Variants in PSME4 observed in about 807,000 individuals in gnomAD.
PSME4 encodes the protein proteasome activator subunit 4, also known as proteasome activator complex subunit 4.
PSME4 carries 89 observed loss-of-function variants against 253.9 expected under a neutral mutation model. The ratio of observed to expected loss-of-function variants is 0.35; its 90% CI spans 0.30 to 0.42. The LOEUF (loss-of-function observed/expected upper bound fraction) is 0.42, where lower values mean the gene tolerates loss of function less well. PSME4 is among the 10% of genes least tolerant of loss of function. PSME4 has a pLI of 1.00. For missense variants in PSME4, 2,014 were observed against 2,195.2 expected, an observed-to-expected ratio of 0.92 and a Z score of 1.65; for synonymous variants, 851 against 759.2, an observed-to-expected ratio of 1.12 and a Z score of -1.99.
intron 1 of PSME4, among the ~76,000 whole-genome samples, chr2:53,952,985 G>A (rs530239678): frequency 4.2e-4 from 64 of 152,300 alleles, no homozygotes; most frequent in Non-Finnish European, 5.4e-4. Flanking sequence ...ACATTAGTTA[G>A]GGACATAAAA....
chr2:53,941,875 C>G (rs1669470770), intron 3 of PSME4, among the ~76,000 whole-genome samples: 1 of 152,042 alleles, frequency 6.6e-6, no homozygotes, highest in African/African-American at 2.4e-5. Context: ...CACATACGAC[C>G]TTGCTATACC....
chr2:53,912,466 T>C (rs958564878), intron 20 of PSME4, among the ~76,000 whole-genome samples: 1 of 152,170 alleles, frequency 6.6e-6, no homozygotes, highest in South Asian at 2.1e-4. Flanking sequence ...TATTTATTTA[T>C]TTATTTTTCA....
At chr2:53,898,377 T>C (rs1680238616) in intron 29 of PSME4, 23 bp from the exon 30 acceptor site, 2 of 1,518,442 alleles carry the variant, frequency 1.3e-6, no homozygotes, top group East Asian at 2.3e-5. Flanking sequence ...GGTGAGGTAT[T>C]ATTTTACTAT....
intron 27 of PSME4, among the ~76,000 whole-genome samples, chr2:53,902,081 G>C (rs1443289806): frequency 6.6e-6 from 1 of 152,066 alleles, no homozygotes; most frequent in Non-Finnish European, 1.5e-5. Context: ...AAGAAAAAAA[G>C]AAATTGTTCA....
chr2:53,966,418 T>G (rs1443054289), intron 1 of PSME4, among the ~76,000 whole-genome samples: 1 of 152,074 alleles, frequency 6.6e-6, no homozygotes, highest in African/African-American at 2.4e-5. Flanking sequence ...TCCGAACACT[T>G]TGGGAGGCCG....
intron 42 of PSME4, 117 bp downstream of exon 42, chr2:53,875,510 A>T: frequency 1.0e-6 from 1 of 999,078 alleles, no homozygotes; most frequent in Non-Finnish European, 1.4e-6. Flanking sequence ...CTTCTCTTAT[A>T]CTAAAAGAAA....
At chr2:53,947,078 G>T (rs1302341998) in intron 3 of PSME4, among the ~76,000 whole-genome samples, 1 of 152,196 alleles carries the variant, frequency 6.6e-6, no homozygotes, top group African/African-American at 2.4e-5. Context: ...AAACTTTCAA[G>T]AAATAAATGA....
chr2:53,905,693 C>T (rs1242281806), intron 26 of PSME4, among the ~76,000 whole-genome samples: 2 of 152,144 alleles, frequency 1.3e-5, no homozygotes, highest in African/African-American at 4.8e-5. Flanking sequence ...ATAATCCCAG[C>T]TATTTAGAAA....
At chr2:53,928,367 T>C (rs1668667055) in intron 10 of PSME4, 64 bp from the exon 11 acceptor site, 1 of 1,221,102 alleles carries the variant, frequency 8.2e-7, no homozygotes, top group Non-Finnish European at 1.1e-6. Context: ...CATAATACAT[T>C]AAATATAATA....
At chr2:53,890,311 T>C (rs1324565989) in intron 36 of PSME4, 103 bp from the exon 37 acceptor site, 2 of 762,354 alleles carry the variant, frequency 2.6e-6, no homozygotes, top group Non-Finnish European at 2.2e-6. Context: ...AGGTATATCA[T>C]TTAAATTATT....
At chr2:53,909,234 G>A (rs553336660) in intron 21 of PSME4, among the ~76,000 whole-genome samples, 14 of 152,214 alleles carry the variant, frequency 9.2e-5, no homozygotes, top group East Asian at 7.7e-4. Context: ...TGTGGGTGAC[G>A]TAAATCAAGC....
chr2:53,932,124 T>A (rs1668859547), intron 9 of PSME4, 24 bp from the exon 10 acceptor site: 1 of 1,604,618 alleles, frequency 6.2e-7, no homozygotes. Flanking sequence ...AGCAAAAAGT[T>A]CTAAGTAGGT....
intron 3 of PSME4, among the ~76,000 whole-genome samples, chr2:53,946,629 C>T (rs756918803): frequency 3.3e-5 from 5 of 152,188 alleles, no homozygotes; most frequent in Non-Finnish European, 5.9e-5. Flanking sequence ...GGTGTAGTGG[C>T]CCATGCCTGT....
At chr2:53,867,101 G>A (rs1203849369) in intron 44 of PSME4, among the ~76,000 whole-genome samples, 2 of 152,164 alleles carry the variant, frequency 1.3e-5, no homozygotes, top group Non-Finnish European at 2.9e-5. Context: ...GCTCATACCT[G>A]TAATCCCAGC....
At chr2:53,865,933 G>A (rs1024095083) in intron 46 of PSME4, 152 bp downstream of exon 46, 20 of 815,170 alleles carry the variant, frequency 2.5e-5, no homozygotes, top group African/African-American at 1.1e-4. Flanking sequence ...TCCAATGGCC[G>A]TAGCAAAAGC....
chr2:53,957,810 GCA>G (rs1210037520), intron 1 of PSME4, among the ~76,000 whole-genome samples: 7 of 152,102 alleles, frequency 4.6e-5, no homozygotes, highest in African/African-American at 1.4e-4. Context: ...ACCACTTATT[GCA>G]CAGTCTTCAG....
intron 45 of PSME4, 26 bp downstream of exon 45, chr2:53,866,721 T>A: frequency 6.2e-7 from 1 of 1,600,420 alleles, no homozygotes. Context: ...ATAATACACG[T>A]ACAAACTAAT....
chr2:53,953,050 G>T (rs1232939621), intron 1 of PSME4, among the ~76,000 whole-genome samples: 1 of 152,112 alleles, frequency 6.6e-6, no homozygotes, highest in Non-Finnish European at 1.5e-5. Context: ...GGGATTCCTG[G>T]AAAGCCTAGG....
chr2:53,947,121 A>G (rs17045435), intron 3 of PSME4, among the ~76,000 whole-genome samples: 11,386 of 152,248 alleles, frequency 0.075, 638 homozygotes, highest in East Asian at 0.27. Context: ...AAAACTGTCC[A>G]AAAACCAATT....
Sources: allele counts gnomAD v4.1 joint callset (sites outside exome capture counted in the v4.1 genomes callset), GRCh38; gene constraint gnomAD v4.1.1; transcripts MANE v1.5; gene names NCBI Gene and HGNC (gene_info 2026-07-23, HGNC 2026-07-21).